DEGS2: variants seen among roughly 807,000 people sequenced by gnomAD.
The protein encoded by DEGS2 is delta 4-desaturase, sphingolipid 2, also known as sphingolipid delta(4)-desaturase/C4-monooxygenase DES2.
Under a neutral mutation model 23.8 loss-of-function variants are expected in DEGS2, and 19 were observed. That is an observed-to-expected ratio of 0.80 (90% CI 0.56 to 1.17). The LOEUF is 1.17. Ranked by LOEUF, DEGS2 falls within the 50% of genes most tolerant of loss-of-function variation. The probability of loss-of-function intolerance (pLI) is 0.00; values close to 1 mark genes in which losing one functional copy is unlikely to be tolerated. For missense variants in DEGS2, 390 were observed against 459.5 expected (o/e 0.85, Z 1.38); for synonymous variants, 218 against 213.7 (o/e 1.02, Z -0.18).
In DEGS2 at chr14:100,149,683, A is replaced by G; in HGVS notation, c.110T>C (p.Met37Thr). 1 of 1,607,484 alleles carries G rather than the reference A, an allele frequency of 6.2e-7. No homozygotes were observed. Among genetic ancestry groups the G allele is most frequent in the Non-Finnish European group, 8.5e-7 (1 of 1,176,900 alleles). ...LAKYPAIKAL[M>T]RPDPRLKWAV... Reference sequence around the variant, plus strand: ...CCACTTGAGGCGCGGGTCTGGCCGCATCAGGGCCTTGATGGCCGGGTACTT... The same window carrying G: ...CCACTTGAGGCGCGGGTCTGGCCGCGTCAGGGCCTTGATGGCCGGGTACTT... The change falls in exon 2 of 3, where the codon ATG becomes ACG. Residue 37 changes from methionine to threonine, a missense_variant. Met to Thr is a moderately conservative substitution (Grantham distance 81). Transcript: ENST00000305631.
At chr14:100,149,807 G>T in intron 1 of DEGS2, 97 bp from the exon 2 acceptor site, 1 of 1,328,946 alleles carries the variant, frequency 7.5e-7, no homozygotes, top group Non-Finnish European at 1.0e-6. Flanking sequence ...GAGAAGGTGG[G>T]AGTGGCCAGC....
At chr14:100,155,301 A>G (rs1442096297) in intron 1 of DEGS2, among the ~76,000 whole-genome samples, 1 of 152,006 alleles carries the variant, frequency 6.6e-6, no homozygotes, top group African/African-American at 2.4e-5. Context: ...TCTCCTCACA[A>G]AGGCAGCAAA....
intron 1 of DEGS2, among the ~76,000 whole-genome samples, chr14:100,151,594 G>A (rs1889573322): frequency 6.6e-6 from 1 of 152,198 alleles, no homozygotes; most frequent in Admixed American, 6.5e-5. Context: ...GGGGGCTCCT[G>A]CCAAAGGCCT....
rs1889528520 is a variant in DEGS2, at chr14:100,149,595, CCAGGCCAGCCCGCGCACCAGCCAG to C, written c.174_197del (p.Cys58_Ala65del). 6.2e-7 allele frequency: 1 copy of C among 1,610,152 alleles called. No individual in the cohort carries two copies. Among genetic ancestry groups the C allele is most frequent in the Non-Finnish European group, 8.5e-7 (1 of 1,179,232 alleles). On this transcript the variant is annotated inframe_deletion, in exon 2 of 3. Coordinates refer to ENST00000305631, the MANE Select transcript of DEGS2 (RefSeq NM_206918.3). Reference sequence around the variant, plus strand: ...CGTAGGCCCAGAACAGCAGCCAGCGCCAGGCCAGCCCGCGCACCAGCCAGCAGGCCAGCATCTGCACCAGCACCA... The same window carrying C: ...CGTAGGCCCAGAACAGCAGCCAGCGCCAGGCCAGCATCTGCACCAGCACCA...
intron 2 of DEGS2, among the ~76,000 whole-genome samples, chr14:100,147,649 G>GCCCC (rs1889474087): frequency 9.1e-6 from 1 of 109,962 alleles, no homozygotes. Context: ...TCACAGGGAT[G>GCCCC]CCCTCCCTGC....
At chr14:100,159,164 G>A (rs2140426632) in intron 1 of DEGS2, among the ~76,000 whole-genome samples, 1 of 152,160 alleles carries the variant, frequency 6.6e-6, no homozygotes, top group African/African-American at 2.4e-5. Flanking sequence ...GCCTCGTAGC[G>A]CGTCCCGGGG....
At chr14:100,152,272 C>T (rs1157028732) in intron 1 of DEGS2, among the ~76,000 whole-genome samples, 4 of 149,182 alleles carry the variant, frequency 2.7e-5, no homozygotes, top group African/African-American at 5.1e-5. Flanking sequence ...CCAGGGTGGG[C>T]GTCATGGAGA....
intron 1 of DEGS2, 33 bp from the exon 2 acceptor site, chr14:100,149,743 CT>C: frequency 6.4e-7 from 1 of 1,561,078 alleles, no homozygotes; most frequent in Non-Finnish European, 8.7e-7. Context: ...TGAGGCCCCG[CT>C]CGGTGGGGCT....
intron 1 of DEGS2, among the ~76,000 whole-genome samples, chr14:100,151,603 C>G (rs1428703407): frequency 6.6e-6 from 1 of 152,210 alleles, no homozygotes; most frequent in Non-Finnish European, 1.5e-5. Flanking sequence ...TGCCAAAGGC[C>G]TGAGGCCCAG....
At position 100,149,637 on chromosome 14, in the gene DEGS2, C is replaced by T; in HGVS notation, c.156G>A (p.Leu52=). Residue 52 remains leucine (L), a synonymous_variant, in exon 2 of 3, where the codon CTG becomes CTA. Coordinates refer to ENST00000305631, the MANE Select transcript of DEGS2 (RefSeq NM_206918.3). ...CCAGCCAGCAGGCCAGCATCTGCAC[C>T]AGCACCAGCACCAGCACCGCCCACT... is the stretch of plus-strand genomic sequence containing the variant. The part of the protein sequence containing the change: ...RLKWAVLVLV[L]VQMLACWLVR... The T allele has an allele frequency of 6.2e-7, 1 of 1,608,862 alleles. No individual in the cohort carries two copies. The highest frequency in any genetic ancestry group is 8.5e-7 in the Non-Finnish European group (1 of 1,177,028).
intron 1 of DEGS2, among the ~76,000 whole-genome samples, chr14:100,156,011 A>G (rs1369927924): frequency 6.6e-6 from 1 of 152,128 alleles, no homozygotes; most frequent in African/African-American, 2.4e-5. Context: ...CTTTCTTAGG[A>G]AGTTATGTTC....
intron 1 of DEGS2, among the ~76,000 whole-genome samples, chr14:100,156,574 C>T (rs1313398803): frequency 6.6e-6 from 1 of 152,208 alleles, no homozygotes; most frequent in African/African-American, 2.4e-5. Flanking sequence ...CAGACTCACC[C>T]GTGGCTAATA....
chr14:100,147,007 G>A (rs1889459826), intron 2 of DEGS2, 100 bp from the exon 3 acceptor site: 9 of 1,384,452 alleles, frequency 6.5e-6, no homozygotes, highest in Non-Finnish European at 8.9e-6. Context: ...GCATGCACAT[G>A]CATATTCATG....
rs370742115 is a variant in DEGS2 at position 100,146,792 on chromosome 14, C to T, written c.941G>A (p.Arg314Gln). ...ACCATCTTTTGCCAGCCTGTACACCCGCTTCACCCTGGCATAGGGCCCCAG... is the reference window on the plus strand; with the variant it reads ...ACCATCTTTTGCCAGCCTGTACACCTGCTTCACCCTGGCATAGGGCCCCAG... ...DSLGPYARVK[R>Q]VYRLAKDGL Residue 314 changes from arginine (R) to glutamine (Q), a missense_variant, in exon 3 of 3, where the codon CGG becomes CAG. Arg to Gln is a conservative substitution (Grantham distance 43, BLOSUM62 1). Coordinates refer to ENST00000305631, the MANE Select transcript of DEGS2 (RefSeq NM_206918.3). 1.5e-5 allele frequency: 25 copies of T among 1,613,668 alleles called. No individual in the cohort carries two copies. Among genetic ancestry groups the T allele is most frequent in the Non-Finnish European group, 1.6e-5 (19 of 1,179,900 alleles).
the DEGS2 span, among the ~76,000 whole-genome samples, chr14:100,165,564 A>G: frequency 5.9e-5 from 9 of 152,310 alleles, no homozygotes; most frequent in African/African-American, 1.7e-4. Flanking sequence ...TGCTCTCGGT[A>G]ACTGGTTCCA....
intron 2 of DEGS2, among the ~76,000 whole-genome samples, chr14:100,147,177 G>C (rs11160573): frequency 1 from 152,348 of 152,348 alleles, 76,174 homozygotes; most frequent in Non-Finnish European, 1. Context: ...GCCTGGAAGC[G>C]TGGCGCTGGC....
chr14:100,157,504 G>A (rs1889676595), intron 1 of DEGS2, among the ~76,000 whole-genome samples: 1 of 152,206 alleles, frequency 6.6e-6, no homozygotes, highest in Non-Finnish European at 1.5e-5. Context: ...TTCACATGAT[G>A]AGCAGGGAGG....
intron 2 of DEGS2, among the ~76,000 whole-genome samples, chr14:100,147,140 C>G (rs1889463430): frequency 6.6e-6 from 1 of 152,238 alleles, no homozygotes. Context: ...CCCTCTGGTC[C>G]TCCCTGCCAA....
Position 100,149,521 on chromosome 14 carries a change from A to G in DEGS2, c.272T>C (p.Ile91Thr), listed in dbSNP as rs1180890163. The change falls in exon 2 of 3, where the codon ATC (isoleucine) becomes ACC (threonine). Residue 91 changes from isoleucine (I) to threonine (T), a missense_variant. By Grantham distance (89) the Ile-to-Thr change is moderately conservative (BLOSUM62 -1). Coordinates refer to ENST00000305631, the MANE Select transcript of DEGS2 (RefSeq NM_206918.3). ...CGTGCCGAAGGCCGCGTTGTGCGAGATGTCGTGGATGGCCAGCGTCAGCGA... is the reference window on the plus strand; with the variant it reads ...CGTGCCGAAGGCCGCGTTGTGCGAGGTGTCGTGGATGGCCAGCGTCAGCGA... Reference protein sequence around the residue: ...NHSLTLAIHDISHNAAFGTGR... With the variant: ...NHSLTLAIHDTSHNAAFGTGR... 6.2e-7 allele frequency: 1 copy of G among 1,603,222 alleles called. No homozygotes were observed. Among genetic ancestry groups the G allele is most frequent in the East Asian group, 2.2e-5 (1 of 44,570 alleles).
Sources: gnomAD v4.1 joint callset for allele counts (sites outside exome capture counted in the v4.1 genomes callset) on GRCh38, gnomAD v4.1.1 for gene constraint, MANE v1.5 for transcripts, NCBI Gene and HGNC (gene_info 2026-07-23, HGNC 2026-07-21) for gene names.